The following LARP1 variants were observed in gnomAD, a reference collection of about 807,000 sequenced individuals.
LARP1 encodes the protein La ribonucleoprotein 1, translational regulator.
Under a neutral mutation model 122.7 loss-of-function variants are expected in LARP1, and 36 were observed. That is an observed-to-expected ratio of 0.29 (90% CI 0.22 to 0.39). The LOEUF (loss-of-function observed/expected upper bound fraction) is 0.39, where lower values mean the gene tolerates loss of function less well. LARP1 is among the 10% of genes least tolerant of loss of function. The probability of loss-of-function intolerance (pLI) is 1.00; values close to 1 mark genes in which losing one functional copy is unlikely to be tolerated. For synonymous variants in LARP1, 539 were observed against 528.7 expected (o/e 1.02, Z -0.27); for missense variants, 1,040 against 1,403.6 (o/e 0.74, Z 4.14).
intron 1 of LARP1, among the ~76,000 whole-genome samples, chr5:154,782,020 G>A (rs764970950): frequency 6.6e-6 from 1 of 152,066 alleles, no homozygotes; most frequent in Non-Finnish European, 1.5e-5. Flanking sequence ...ACTTTACATT[G>A]GGCAGTCAGG....
intron 1 of LARP1, among the ~76,000 whole-genome samples, chr5:154,788,513 G>A (rs759749441): frequency 2.0e-5 from 3 of 152,164 alleles, no homozygotes; most frequent in African/African-American, 2.4e-5. Context: ...CAAGCCAGCC[G>A]GGCAAATTTC....
chr5:154,697,120 GA>G (rs1416207715), intron 1 of LARP1, among the ~76,000 whole-genome samples: 4 of 152,004 alleles, frequency 2.6e-5, no homozygotes, highest in African/African-American at 9.7e-5. Context: ...AAATTCAACA[GA>G]ATTGTTTTAG....
upstream of LARP1, among the ~76,000 whole-genome samples, chr5:154,752,242 TC>T (rs1282168068): frequency 6.6e-6 from 1 of 151,952 alleles, no homozygotes; most frequent in Non-Finnish European, 1.5e-5. Flanking sequence ...TCTTCCTTTT[TC>T]TTTTCTTTTC....
rs769478905 is a variant in LARP1 at position 154,794,278 on chromosome 5, CCTT to C, written c.1232+20_1232+22del. On this transcript the variant is annotated intron_variant, in intron 7 of 18. Transcript: ENST00000518297. Reference sequence around the variant, plus strand: ...AGCGCCAGATGTGAGTGTGCGGAAGCCTTCTTACCCTGGAGAAATGAGTGAGAG... The same window carrying C: ...AGCGCCAGATGTGAGTGTGCGGAAGCCTTACCCTGGAGAAATGAGTGAGAG... The C allele has an allele frequency of 1.9e-6, 3 of 1,610,032 alleles. No individual in the cohort carries two copies. The highest frequency in any genetic ancestry group is 1.3e-5 in the African/African-American group (1 of 74,952).
At chr5:154,745,903 C>A (rs1289752969) in intron 1 of LARP1, among the ~76,000 whole-genome samples, 2 of 151,488 alleles carry the variant, frequency 1.3e-5, no homozygotes, top group African/African-American at 4.9e-5. Context: ...TCAAGCGATT[C>A]TCTTGCCTTA....
intron 1 of LARP1, among the ~76,000 whole-genome samples, chr5:154,738,607 A>G (rs1194302113): frequency 2.6e-5 from 4 of 152,070 alleles, no homozygotes; most frequent in African/African-American, 9.7e-5. Context: ...AAAAAAGAAG[A>G]AACAGCAGCT....
At position 154,803,850 on chromosome 5, in the gene LARP1, C is replaced by A; in HGVS notation, c.2439+105C>A. 8.7e-7 allele frequency: 1 copy of A among 1,154,912 alleles called. No individual in the cohort carries two copies. Among genetic ancestry groups the A allele is most frequent in the Non-Finnish European group, 1.3e-6 (1 of 794,032 alleles). 71.5% of individuals were successfully genotyped at this position (1,154,912 alleles called of 1,614,324 possible). A position where few individuals can be genotyped will look rare whatever the true frequency, so the allele number is the denominator to read the frequency against. On this transcript the variant is annotated intron_variant, in intron 13 of 18. Coordinates refer to ENST00000518297, the MANE Select transcript of LARP1 (RefSeq NM_033551.3). The surrounding 1 kb of genome is among the most constrained non-coding windows in gnomAD (Gnocchi z 4.4). The stretch of plus-strand genomic sequence containing the variant: ...TGTCTGAGCTAAGGAAGTGCTAAAT[C>A]CTTCACCTGCTCTGTGTTCTGAGGC...
chr5:154,719,128 A>G (rs1289792026), intron 1 of LARP1, among the ~76,000 whole-genome samples: 1 of 152,200 alleles, frequency 6.6e-6, no homozygotes, highest in Non-Finnish European at 1.5e-5. Context: ...AGGGGCTAAG[A>G]AATTCAGTTC....
intron 1 of LARP1, among the ~76,000 whole-genome samples, chr5:154,739,263 G>A (rs544403185): frequency 4.3e-4 from 65 of 152,006 alleles, no homozygotes; most frequent in Non-Finnish European, 7.9e-4. Context: ...CTCGTGATCC[G>A]CCCACCTCGG....
At chr5:154,764,251 A>G (rs2113615242) in intron 1 of LARP1, among the ~76,000 whole-genome samples, 1 of 151,304 alleles carries the variant, frequency 6.6e-6, no homozygotes, top group African/African-American at 2.4e-5. Context: ...CAGAGGTTGC[A>G]GTGAGCTGAG....
At chr5:154,812,522 CCCCTT>C (rs1407817617) in intron 18 of LARP1, among the ~76,000 whole-genome samples, 1 of 103,676 alleles carries the variant, frequency 9.6e-6, no homozygotes, top group Non-Finnish European at 1.9e-5. Context: ...CCCCCCACCC[CCCCTT>C]TTTTTTTTTG....
intron 16 of LARP1, among the ~76,000 whole-genome samples, chr5:154,808,830 A>G (rs1001494548): frequency 1.3e-5 from 2 of 152,166 alleles, no homozygotes; most frequent in Non-Finnish European, 2.9e-5. Flanking sequence ...TCCCCCACCC[A>G]TCTGGTGTCT....
chr5:154,790,191 T>G, intron 1 of LARP1, 134 bp from the exon 2 acceptor site: 1 of 659,954 alleles, frequency 1.5e-6, no homozygotes. Flanking sequence ...GTCTTTCCCC[T>G]CTCTACTGTG....
chr5:154,703,200 T>C (rs572044772), intron 1 of LARP1, among the ~76,000 whole-genome samples: 1 of 152,004 alleles, frequency 6.6e-6, no homozygotes, highest in South Asian at 2.1e-4. Context: ...ATTTTGTCTC[T>C]TTTGTAAACG....
intron 1 of LARP1, among the ~76,000 whole-genome samples, chr5:154,740,120 G>T (rs1320778946): frequency 2.7e-5 from 4 of 150,840 alleles, no homozygotes; most frequent in Admixed American, 6.6e-5. Flanking sequence ...AGCTGGGCGC[G>T]GTGGCTCATG....
intron 1 of LARP1, among the ~76,000 whole-genome samples, chr5:154,689,849 G>A (rs1200983187): frequency 1.3e-5 from 2 of 152,040 alleles, no homozygotes; most frequent in African/African-American, 2.4e-5. Flanking sequence ...GGCCAAGGCG[G>A]GCGGATCACC....
At chr5:154,693,973 C>T (rs187492631) in intron 1 of LARP1, among the ~76,000 whole-genome samples, 60 of 152,124 alleles carry the variant, frequency 3.9e-4, no homozygotes, top group South Asian at 2.3e-3. Flanking sequence ...TCTAATGAGG[C>T]CTATAAGAAC....
chr5:154,796,112 GTATATATAT>G (rs1030124068), intron 8 of LARP1, among the ~76,000 whole-genome samples: 3 of 81,594 alleles, frequency 3.7e-5, no homozygotes, highest in African/African-American at 1.3e-4. Flanking sequence ...TTTATATATA[GTATATATAT>G]TATATATATT....
chr5:154,803,402 G>A lies in LARP1; in HGVS notation c.2222G>A (p.Arg741Gln), dbSNP rs767245420. 48 of 1,614,004 alleles carry A rather than the reference G, an allele frequency of 3.0e-5. No homozygotes were observed. Among genetic ancestry groups the A allele is most frequent in the Admixed American group, 5.0e-5 (3 of 59,992 alleles). Reference sequence around the variant, plus strand: ...CAGGAAGTTCCTCCTGGGCCACCTCGGTTCCAGCAAGGTGAGAAGCAGACA... The same window carrying A: ...CAGGAAGTTCCTCCTGGGCCACCTCAGTTCCAGCAAGGTGAGAAGCAGACA... The part of the protein sequence containing the change: ...PNQEVPPGPP[R>Q]FQQVPTDALA... The change falls in exon 12 of 19, where the codon CGG becomes CAG. Residue 741 changes from arginine (R) to glutamine (Q), a missense_variant. This residue lies in a region of LARP1 where 362 missense variants were observed against 533.1 expected (regional missense o/e 0.68). Transcript: ENST00000518297. The surrounding 1 kb of genome is among the most constrained non-coding windows in gnomAD (Gnocchi z 4.4).
Sources: allele counts gnomAD v4.1 joint callset (sites outside exome capture counted in the v4.1 genomes callset), GRCh38; gene constraint gnomAD v4.1.1; regional missense constraint gnomAD v4.1.1; non-coding constraint Gnocchi (gnomAD v3.1); transcripts MANE v1.5; gene names NCBI Gene and HGNC (gene_info 2026-07-23, HGNC 2026-07-21).